Variants in CDKAL1 observed in about 807,000 individuals in gnomAD.
CDKAL1 encodes CDKAL1 threonylcarbamoyladenosine tRNA methylthiotransferase.
In CDKAL1, 32 loss-of-function variants were observed where a neutral mutation model predicts 68.2. That is an observed-to-expected ratio of 0.47 (90% CI 0.35 to 0.63). The LOEUF (loss-of-function observed/expected upper bound fraction) is 0.63. Among genes scored for constraint, CDKAL1 ranks in the 30% least tolerant of loss-of-function variants. The pLI, the probability that CDKAL1 is intolerant of heterozygous loss-of-function variation, is 0.00. For synonymous variants in CDKAL1, 234 were observed against 244.3 expected, an observed-to-expected ratio of 0.96 and a Z score of 0.39; for missense variants, 606 against 696.7, an observed-to-expected ratio of 0.87 and a Z score of 1.47.
At chr6:20,717,108 G>A (rs998660696) in intron 5 of CDKAL1, among the ~76,000 whole-genome samples, 3 of 152,006 alleles carry the variant, frequency 2.0e-5, no homozygotes, top group African/African-American at 7.2e-5. Context: ...TTTCAGTGGA[G>A]AGGTGGACAC....
intron 7 of CDKAL1, among the ~76,000 whole-genome samples, chr6:20,780,166 A>G (rs952741921): frequency 6.6e-6 from 1 of 151,922 alleles, no homozygotes; most frequent in Non-Finnish European, 1.5e-5. Flanking sequence ...TGACAAAGTA[A>G]ATATGGTAAA....
rs147820979 is a variant in CDKAL1, at chr6:21,230,982, C to T, written c.1683C>T (p.Ser561=). 61 of 1,613,264 alleles carry T rather than the reference C, an allele frequency of 3.8e-5. No homozygotes were observed. The highest frequency in any genetic ancestry group is 3.3e-4 in the Middle Eastern group (2 of 6,062). Residue 561 remains serine (S), a synonymous_variant, in exon 16 of 16, where the codon TCC becomes TCT. Coordinates refer to ENST00000274695, the MANE Select transcript of CDKAL1 (RefSeq NM_017774.3). ...RLHQDCALRM[S]VGLALLGLLF... is the part of the protein sequence containing the mutation. ...ATCAAGACTGTGCGCTGAGGATGTC[C>T]GTGGGCTTGGCTCTGCTGGGTCTTC...
intron 5 of CDKAL1, among the ~76,000 whole-genome samples, chr6:20,672,238 CT>C (rs1769861193): frequency 5.1e-5 from 1 of 19,600 alleles, no homozygotes; most frequent in Non-Finnish European, 1.0e-4. Flanking sequence ...TTTTCTTTCT[CT>C]TTCTTTCTTT....
chr6:21,165,430 G>T (rs1777112617), intron 13 of CDKAL1, among the ~76,000 whole-genome samples: 1 of 152,114 alleles, frequency 6.6e-6, no homozygotes, highest in South Asian at 2.1e-4. Flanking sequence ...AGTTCTAAAA[G>T]GATATAGCAA....
At chr6:20,968,868 T>A (rs1302347637) in intron 10 of CDKAL1, among the ~76,000 whole-genome samples, 1 of 152,150 alleles carries the variant, frequency 6.6e-6, no homozygotes, top group African/African-American at 2.4e-5. Flanking sequence ...TTTAAAGTGC[T>A]GATTTAAAGT....
chr6:20,794,039 C>T (rs962819273), intron 8 of CDKAL1, among the ~76,000 whole-genome samples: 3 of 151,580 alleles, frequency 2.0e-5, no homozygotes, highest in African/African-American at 7.3e-5. Flanking sequence ...AACTTAGAGA[C>T]CTGTAGATCC....
At chr6:20,916,334 A>G (rs1353298003) in intron 9 of CDKAL1, among the ~76,000 whole-genome samples, 1 of 152,156 alleles carries the variant, frequency 6.6e-6, no homozygotes, top group Non-Finnish European at 1.5e-5. Flanking sequence ...AAAACTTCCT[A>G]TTTTTGCAAC....
chr6:20,879,921 G>T (rs1412921426), intron 9 of CDKAL1, among the ~76,000 whole-genome samples: 1 of 152,206 alleles, frequency 6.6e-6, no homozygotes, highest in Non-Finnish European at 1.5e-5. Context: ...ACTATGGTAT[G>T]AATTTTGTCT....
intron 4 of CDKAL1, among the ~76,000 whole-genome samples, chr6:20,551,560 C>T (rs1211448372): frequency 6.6e-5 from 10 of 151,446 alleles, no homozygotes; most frequent in Admixed American, 1.3e-4. Flanking sequence ...TTAGTAGAGA[C>T]GGGGTTTCAC....
At chr6:20,654,394 C>T (rs149368766) in intron 5 of CDKAL1, among the ~76,000 whole-genome samples, 239 of 151,596 alleles carry the variant, frequency 1.6e-3, no homozygotes, top group African/African-American at 5.4e-3. Context: ...CAAATATCTT[C>T]TCCCAATTGT....
At chr6:20,703,388 G>A (rs1771457347) in intron 5 of CDKAL1, among the ~76,000 whole-genome samples, 1 of 151,928 alleles carries the variant, frequency 6.6e-6, no homozygotes, top group South Asian at 2.1e-4. Context: ...TTTATTATCT[G>A]GCACTTTACA....
intron 5 of CDKAL1, among the ~76,000 whole-genome samples, chr6:20,693,377 T>G (rs971210236): frequency 1.3e-5 from 2 of 152,216 alleles, no homozygotes; most frequent in African/African-American, 2.4e-5. Flanking sequence ...CCAGTTGAAA[T>G]AAGATAATTC....
In CDKAL1 at chr6:20,829,365, A is replaced by G. The variant is rs79328661; in HGVS notation, c.639-16710A>G. 4.9e-3 allele frequency among the ~76,000 whole-genome samples: 754 copies of G among 152,330 alleles called. 9 individuals carry two copies. Among genetic ancestry groups the G allele is most frequent in the African/African-American group, 0.017 (722 of 41,576 alleles). ...ATATTTTTCTTGAGAATCAGTCGTT[A>G]GATTTCATTAAACCTCAGAGTGAAC... On this transcript the variant is annotated intron_variant, in intron 8 of 15. Transcript: ENST00000274695.
intron 9 of CDKAL1, among the ~76,000 whole-genome samples, chr6:20,926,679 A>G (rs1400387416): frequency 1.3e-5 from 2 of 152,062 alleles, no homozygotes; most frequent in Non-Finnish European, 2.9e-5. Flanking sequence ...TTCGATACGT[A>G]TGCATTGAAT....
intron 4 of CDKAL1, among the ~76,000 whole-genome samples, chr6:20,592,194 A>G (rs1765619787): frequency 6.6e-6 from 1 of 152,152 alleles, no homozygotes; most frequent in Non-Finnish European, 1.5e-5. Context: ...GTGTATAGGA[A>G]TGCTTATGAT....
intron 13 of CDKAL1, among the ~76,000 whole-genome samples, chr6:21,124,653 T>C (rs992946781): frequency 7.9e-5 from 12 of 151,044 alleles, no homozygotes; most frequent in Non-Finnish European, 1.6e-4. Flanking sequence ...TTTGTGGCAA[T>C]GGCAATGGCC....
intron 10 of CDKAL1, among the ~76,000 whole-genome samples, chr6:20,990,896 C>T (rs934288517): frequency 1.3e-5 from 2 of 152,166 alleles, no homozygotes; most frequent in African/African-American, 2.4e-5. Flanking sequence ...CCAAAATAAC[C>T]ATACTGATTT....
chr6:20,652,396 T>TG (rs1768813915), intron 5 of CDKAL1, among the ~76,000 whole-genome samples: 1 of 152,156 alleles, frequency 6.6e-6, no homozygotes, highest in Admixed American at 6.5e-5. Flanking sequence ...TGAAGGGAGG[T>TG]GGGCATATTA....
intron 5 of CDKAL1, among the ~76,000 whole-genome samples, chr6:20,673,423 C>T (rs538398316): frequency 2.0e-5 from 3 of 152,142 alleles, no homozygotes; most frequent in Admixed American, 2.0e-4. Context: ...CTAGATAATA[C>T]TTGTTTTAGT....
Sources: allele counts gnomAD v4.1 joint callset (sites outside exome capture counted in the v4.1 genomes callset), GRCh38; gene constraint gnomAD v4.1.1; transcripts MANE v1.5; gene names NCBI Gene and HGNC (gene_info 2026-07-23, HGNC 2026-07-21).